Variants in NHSL1 observed in about 807,000 individuals in gnomAD.
NHSL1 encodes NHS like 1.
Under a neutral mutation model 95.0 loss-of-function variants are expected in NHSL1, and 48 were observed. The observed-to-expected ratio is 0.51, with a 90% CI of 0.40 to 0.64. The LOEUF (loss-of-function observed/expected upper bound fraction) is 0.64. Among genes scored for constraint, NHSL1 ranks in the 30% least tolerant of loss-of-function variants. NHSL1 has a pLI of 0.00. For synonymous variants in NHSL1, 783 were observed against 833.9 expected, an observed-to-expected ratio of 0.94 and a Z score of 1.05; for missense variants, 1,971 against 2,077.7, an observed-to-expected ratio of 0.95 and a Z score of 1.00.
chr6:138,570,195 G>A (rs189936027), intron 1 of NHSL1, among the ~76,000 whole-genome samples: 15 of 152,272 alleles, frequency 9.9e-5, no homozygotes, highest in South Asian at 4.1e-4. Flanking sequence ...GTATACAGTC[G>A]TTAACAGAGA....
At chr6:138,481,308 C>T (rs555418331) in intron 2 of NHSL1, among the ~76,000 whole-genome samples, 39 of 152,020 alleles carry the variant, frequency 2.6e-4, no homozygotes, top group South Asian at 2.1e-4. Flanking sequence ...ATTTACCTAC[C>T]CCTTCATAAA....
chr6:138,490,616 T>C (rs1239254126), intron 2 of NHSL1, among the ~76,000 whole-genome samples: 1 of 152,044 alleles, frequency 6.6e-6, no homozygotes, highest in Non-Finnish European at 1.5e-5. Flanking sequence ...ATCTAGTCCA[T>C]AATTTTAGGA....
intron 7 of NHSL1, among the ~76,000 whole-genome samples, chr6:138,428,830 G>C (rs1481271939): frequency 6.6e-6 from 1 of 152,168 alleles, no homozygotes; most frequent in African/African-American, 2.4e-5. Context: ...GCAAAATAAG[G>C]CCTTGGCAGC....
intron 1 of NHSL1, among the ~76,000 whole-genome samples, chr6:138,568,261 C>G (rs1783694101): frequency 6.6e-6 from 1 of 152,140 alleles, no homozygotes; most frequent in African/African-American, 2.4e-5. Flanking sequence ...TTCTCTTTAA[C>G]CCCCCTGCTT....
At chr6:138,571,823 G>A (rs1348055686) in exon 1 of NHSL1, 25 of 1,552,094 alleles carry the variant, frequency 1.6e-5, no homozygotes, top group Admixed American at 1.2e-4. Flanking sequence ...CCTGGACAAG[G>A]AGGAGAAATT....
chr6:138,455,911 C>T (rs1173868502), intron 3 of NHSL1, among the ~76,000 whole-genome samples: 5 of 152,208 alleles, frequency 3.3e-5, no homozygotes, highest in Non-Finnish European at 7.4e-5. Flanking sequence ...GGGAGAGTGG[C>T]CAAATTTTTA....
chr6:138,526,350 G>A (rs1781905986), intron 1 of NHSL1, among the ~76,000 whole-genome samples: 1 of 152,094 alleles, frequency 6.6e-6, no homozygotes, highest in Non-Finnish European at 1.5e-5. Flanking sequence ...GCCTGGTGGT[G>A]CTCACCTGTA....
intron 1 of NHSL1, among the ~76,000 whole-genome samples, chr6:138,589,008 C>A (rs2114516656): frequency 6.6e-6 from 1 of 152,248 alleles, no homozygotes; most frequent in Non-Finnish European, 1.5e-5. Flanking sequence ...AACAGAACAA[C>A]CCATTCTCAA....
chr6:138,424,011 T>C lies in NHSL1; in HGVS notation c.*70A>G, dbSNP rs1775075639. 7.8e-7 allele frequency: 1 copy of C among 1,282,190 alleles called. No individual in the cohort carries two copies. The highest frequency in any genetic ancestry group is 9.8e-7 in the Non-Finnish European group (1 of 1,015,452). 79.4% of individuals were successfully genotyped at this position (1,282,190 alleles called of 1,614,324 possible). A position where few individuals can be genotyped will look rare whatever the true frequency, so the allele number is the denominator to read the frequency against. On this transcript the variant is annotated 3_prime_UTR_variant, in exon 8 of 8. Transcript: ENST00000343505. The surrounding 1 kb of genome is among the most constrained non-coding windows in gnomAD (Gnocchi z 5.9). ...CCCGGGTGAGCCAGGGAAGGGCGCC[T>C]AGCAGGCTTCCTAGAGTGCTGCATT...
chr6:138,567,683 GATTATCTAGT>G (rs1244141724), intron 1 of NHSL1, among the ~76,000 whole-genome samples: 5 of 151,974 alleles, frequency 3.3e-5, no homozygotes, highest in African/African-American at 1.2e-4. Flanking sequence ...CTCAAAAATT[GATTATCTAGT>G]ATATGGATTA....
chr6:138,489,017 T>C (rs907816849), intron 2 of NHSL1, among the ~76,000 whole-genome samples: 21 of 152,200 alleles, frequency 1.4e-4, no homozygotes, highest in African/African-American at 4.8e-4. Flanking sequence ...ATCTTGCTCA[T>C]GTGGATGAAA....
rs141914411 is a variant in NHSL1 at position 138,423,925 on chromosome 6, G to C, written c.*156C>G. ...AGTGCCAGGTGAGTCCTAAATAACC[G>C]TTCACTCACACTGCAGGGCTGGCAA... On this transcript the variant is annotated 3_prime_UTR_variant, in exon 8 of 8. Transcript: ENST00000343505. The C allele has an allele frequency of 3.3e-6, 2 of 613,640 alleles. No homozygotes were observed. Among genetic ancestry groups the C allele is most frequent in the Non-Finnish European group, 4.7e-6 (2 of 422,784 alleles). The allele number at this position is 613,640 out of a possible 1,614,324, so 38.0% of individuals were successfully genotyped here. A position where few individuals can be genotyped will look rare whatever the true frequency, so the allele number is the denominator to read the frequency against.
At chr6:138,480,032 A>C (rs1051486968) in intron 2 of NHSL1, among the ~76,000 whole-genome samples, 2 of 152,248 alleles carry the variant, frequency 1.3e-5, no homozygotes, top group African/African-American at 4.8e-5. Flanking sequence ...CTATTTCCCA[A>C]GAAAATGATA....
At chr6:138,600,699 G>A (rs374297015) in intron 1 of NHSL1, among the ~76,000 whole-genome samples, 13 of 152,042 alleles carry the variant, frequency 8.6e-5, no homozygotes, top group South Asian at 2.1e-4. Flanking sequence ...TCTTAATGTC[G>A]TTGCTAAACC....
chr6:138,602,292 A>T (rs6928817), intron 1 of NHSL1, among the ~76,000 whole-genome samples: 152 of 152,208 alleles, frequency 1.0e-3, no homozygotes, highest in African/African-American at 3.5e-3. Context: ...GTTTCATTAG[A>T]TTTATACCTA....
chr6:138,616,877 GGGTAGA>G (rs1391664787), intron 1 of NHSL1, among the ~76,000 whole-genome samples: 3 of 152,222 alleles, frequency 2.0e-5, no homozygotes, highest in Non-Finnish European at 4.4e-5. Context: ...GAGCAGTCAA[GGGTAGA>G]GGTTACTCTG....
At chr6:138,684,517 C>T (rs1319488749) in intron 1 of NHSL1, among the ~76,000 whole-genome samples, 9 of 152,058 alleles carry the variant, frequency 5.9e-5, no homozygotes, top group East Asian at 1.9e-4. Context: ...TGGTGGCGTG[C>T]GCCTGTAATC....
In NHSL1 at chr6:138,625,463, G is replaced by A. The variant is rs549891784; in HGVS notation, c.96+67013C>T. Among the ~76,000 whole-genome samples, 44 of 152,064 alleles carry A rather than the reference G, an allele frequency of 2.9e-4. No individual in the cohort carries two copies. The South Asian group carries it at 7.3e-3, about 25-fold the overall frequency. On this transcript the variant is annotated intron_variant, in intron 1 of 3. Transcript: ENST00000491526. ...TACAGCTGGACATTGCTTTTCCAGCGTTTAGGTCTTTTTCACACTTCTGGT... is the reference window on the plus strand; with the variant it reads ...TACAGCTGGACATTGCTTTTCCAGCATTTAGGTCTTTTTCACACTTCTGGT...
chr6:138,625,758 C>T (rs1402198629), intron 1 of NHSL1, among the ~76,000 whole-genome samples: 1 of 152,070 alleles, frequency 6.6e-6, no homozygotes, highest in African/African-American at 2.4e-5. Context: ...CCTCCCACCT[C>T]AGTCTTCCTA....
Sources: gnomAD v4.1 joint callset for allele counts (sites outside exome capture counted in the v4.1 genomes callset) on GRCh38, gnomAD v4.1.1 for gene constraint, Gnocchi (gnomAD v3.1) non-coding constraint, MANE v1.5 for transcripts, NCBI Gene and HGNC (gene_info 2026-07-23, HGNC 2026-07-21) for gene names.